UPP2: variants seen among roughly 807,000 people sequenced by gnomAD.
UPP2 encodes the protein UPase 2.
In UPP2, 23 loss-of-function variants were observed where a neutral mutation model predicts 26.7. That is an observed-to-expected ratio of 0.86 (90% CI 0.62 to 1.22). The LOEUF (loss-of-function observed/expected upper bound fraction) is 1.22. Among genes scored for constraint, UPP2 ranks in the 50% most tolerant of loss-of-function variants. The pLI, the probability that UPP2 is intolerant of heterozygous loss-of-function variation, is 0.00. For missense variants in UPP2, 387 were observed against 396.7 expected, an observed-to-expected ratio of 0.98 and a Z score of 0.21; for synonymous variants, 127 against 141.3, an observed-to-expected ratio of 0.90 and a Z score of 0.72.
chr2:158,010,763 CTTTTT>C (rs34328148), intron 2 of UPP2, among the ~76,000 whole-genome samples: 14,117 of 82,780 alleles, frequency 0.17, 750 homozygotes, highest in East Asian at 0.32. Context: ...CCCTCTTTTT[CTTTTT>C]TTTTTTTTTT....
chr2:158,112,210 T>G (rs1257172146), intron 2 of UPP2, among the ~76,000 whole-genome samples: 2 of 152,172 alleles, frequency 1.3e-5, no homozygotes, highest in African/African-American at 4.8e-5. Flanking sequence ...CAAAACTTAT[T>G]ACAAAGTTAT....
chr2:158,087,828 C>T (rs1276027116), intron 3 of UPP2, among the ~76,000 whole-genome samples: 1 of 152,132 alleles, frequency 6.6e-6, no homozygotes, highest in Non-Finnish European at 1.5e-5. Flanking sequence ...TCCCTTCTAG[C>T]TTGTAGGATT....
At chr2:157,995,281 A>C in intron 2 of UPP2, 1 of 1,612,684 alleles carries the variant, frequency 6.2e-7, no homozygotes, top group Non-Finnish European at 8.5e-7. Context: ...AAGAGGAGAA[A>C]TACATTCATG....
intron 3 of UPP2, among the ~76,000 whole-genome samples, chr2:158,077,351 A>C (rs1682646299): frequency 6.6e-6 from 1 of 152,188 alleles, no homozygotes; most frequent in South Asian, 2.1e-4. Flanking sequence ...CCTGAACAAA[A>C]AGAACAAAAC....
chr2:158,123,337 T>C (rs1683613733), intron 5 of UPP2, among the ~76,000 whole-genome samples: 1 of 146,832 alleles, frequency 6.8e-6, no homozygotes, highest in Non-Finnish European at 1.5e-5. Flanking sequence ...TCAAGTAGCT[T>C]AGCATCATCG....
intron 3 of UPP2, among the ~76,000 whole-genome samples, chr2:158,061,933 G>T (rs1021193750): frequency 6.6e-6 from 1 of 152,180 alleles, no homozygotes; most frequent in Non-Finnish European, 1.5e-5. Flanking sequence ...GGAACTTTTG[G>T]CTCCTCTATC....
intron 2 of UPP2, among the ~76,000 whole-genome samples, chr2:158,112,386 C>A (rs1179440435): frequency 6.6e-6 from 1 of 151,988 alleles, no homozygotes; most frequent in Non-Finnish European, 1.5e-5. Flanking sequence ...GGTGCTGGGA[C>A]AACTAGATAT....
At chr2:158,066,089 T>C (rs1178214891) in intron 3 of UPP2, 1 of 251,292 alleles carries the variant, frequency 4.0e-6, no homozygotes, top group Non-Finnish European at 7.8e-6. Flanking sequence ...CCTGATGCTA[T>C]TGCCTTGGAA....
Position 158,101,923 on chromosome 2 carries a change from C to G in UPP2, c.-141C>G, listed in dbSNP as rs112996000. 2,938 of 1,367,668 alleles carry G rather than the reference C, an allele frequency of 2.1e-3. 56 individuals are homozygous for G. The African/African-American group carries it at 0.04, about 18-fold the overall frequency. 84.7% of individuals were successfully genotyped at this position (1,367,668 alleles called of 1,614,324 possible). On this transcript the variant is annotated 5_prime_UTR_variant, in exon 1 of 7. Transcript: ENST00000005756. Reference sequence around the variant, plus strand: ...AGGAAAAATTTTCTTAGCAATTTCACAGGAAAACCTAAGTTTTAAGAGAGG... The same window carrying G: ...AGGAAAAATTTTCTTAGCAATTTCAGAGGAAAACCTAAGTTTTAAGAGAGG...
At chr2:158,063,371 G>A (rs1682382456) in intron 3 of UPP2, among the ~76,000 whole-genome samples, 1 of 152,144 alleles carries the variant, frequency 6.6e-6, no homozygotes, top group Admixed American at 6.5e-5. Context: ...CAGAAAGTAG[G>A]TACTCAAATA....
rs112409614 is a variant in UPP2 at position 158,023,922 on chromosome 2, C to G, written c.147+8036C>G. 8.5e-3 allele frequency among the ~76,000 whole-genome samples: 1,291 copies of G among 152,234 alleles called. 22 individuals carry two copies. Among genetic ancestry groups the G allele is most frequent in the African/African-American group, 0.029 (1,218 of 41,522 alleles). On this transcript the variant is annotated intron_variant, in intron 3 of 9. Coordinates refer to the UPP2 transcript ENST00000605860. ...TCTTGAGCTCTCTTCAGCTCTGGAT[C>G]CCCTCCCTCCCAGGGCCCAAGGGAG...
intron 6 of UPP2, among the ~76,000 whole-genome samples, chr2:158,131,294 G>C (rs1370687650): frequency 6.6e-6 from 1 of 152,116 alleles, no homozygotes; most frequent in East Asian, 1.9e-4. Context: ...ATGGGCATTT[G>C]TGCCCAGCCC....
chr2:158,101,829 C>T, upstream of UPP2: 2 of 1,281,550 alleles, frequency 1.6e-6, no homozygotes, highest in Non-Finnish European at 2.0e-6. Context: ...GCTCTGAGAG[C>T]TGGGCTGTGG....
intron 2 of UPP2, among the ~76,000 whole-genome samples, chr2:158,111,579 G>A (rs1683321239): frequency 6.6e-6 from 1 of 152,064 alleles, no homozygotes; most frequent in African/African-American, 2.4e-5. Context: ...TGTAATTATT[G>A]ATATGTTTGG....
chr2:158,029,795 CTTTT>C, intron 3 of UPP2, among the ~76,000 whole-genome samples: 2 of 132,504 alleles, frequency 1.5e-5, no homozygotes, highest in Non-Finnish European at 3.3e-5. Flanking sequence ...CATCTCGTTT[CTTTT>C]TTTTTTTTTT....
chr2:158,013,805 T>G (rs1488451375), intron 2 of UPP2, among the ~76,000 whole-genome samples: 3 of 152,170 alleles, frequency 2.0e-5, no homozygotes, highest in African/African-American at 7.2e-5. Flanking sequence ...CACATGCAGA[T>G]GAAGGAAAGA....
chr2:158,027,577 G>A (rs574161548), intron 3 of UPP2, among the ~76,000 whole-genome samples: 17 of 152,146 alleles, frequency 1.1e-4, no homozygotes, highest in Non-Finnish European at 2.2e-4. Flanking sequence ...GGCAAATGGT[G>A]CAAGCTGTTG....
chr2:158,026,132 C>A (rs370585919), intron 3 of UPP2, among the ~76,000 whole-genome samples: 1 of 151,984 alleles, frequency 6.6e-6, no homozygotes, highest in Non-Finnish European at 1.5e-5. Context: ...AAGCTCTTGT[C>A]GACAAGAGAC....
intron 2 of UPP2, among the ~76,000 whole-genome samples, chr2:158,112,524 C>G (rs2105219664): frequency 6.6e-6 from 1 of 152,102 alleles, no homozygotes; most frequent in Admixed American, 6.5e-5. Flanking sequence ...AGACATAAAT[C>G]TTTGTGACCT....
Sources: allele counts gnomAD v4.1 joint callset (sites outside exome capture counted in the v4.1 genomes callset), GRCh38; gene constraint gnomAD v4.1.1; transcripts MANE v1.5; gene names NCBI Gene and HGNC (gene_info 2026-07-23, HGNC 2026-07-21).